Variants in DACH2 observed in about 807,000 individuals in gnomAD.
The protein encoded by DACH2 is dachshund family transcription factor 2.
In DACH2, 17 loss-of-function variants were observed where a neutral mutation model predicts 35.8. The observed-to-expected ratio is 0.48, with a 90% CI of 0.33 to 0.71. DACH2 has a LOEUF of 0.71. DACH2 is among the 30% of genes least tolerant of loss of function. The pLI is 0.02. For missense variants in DACH2, 469 were observed against 472.7 expected, an observed-to-expected ratio of 0.99 and a Z score of 0.07; for synonymous variants, 195 against 177.3, an observed-to-expected ratio of 1.10 and a Z score of -0.79.
intron 4 of DACH2, among the ~76,000 whole-genome samples, chrX:86,652,227 G>C (rs1046774916): frequency 2.7e-5 from 3 of 111,554 alleles, no homozygotes; most frequent in African/African-American, 9.8e-5. Flanking sequence ...GCATTAGTTT[G>C]CCATGGATAA....
chrX:86,419,846 AG>A (rs1157798373), intron 2 of DACH2, among the ~76,000 whole-genome samples: 1 of 111,600 alleles, frequency 9.0e-6, no homozygotes, highest in African/African-American at 3.3e-5. Context: ...TAGCTTCAGG[AG>A]GTAGCATGGT....
At chrX:86,155,675 G>A (rs191717311) in intron 1 of DACH2, among the ~76,000 whole-genome samples, 56 of 111,143 alleles carry the variant, frequency 5.0e-4, no homozygotes, top group African/African-American at 1.6e-3. Context: ...TTTTAAAAAG[G>A]AGGTTCAAAT....
chrX:86,676,552 A>G (rs1275326862), intron 4 of DACH2, among the ~76,000 whole-genome samples: 2 of 111,892 alleles, frequency 1.8e-5, no homozygotes, highest in African/African-American at 3.3e-5. Flanking sequence ...GCTGTCCATC[A>G]TAGTAGGGTT....
chrX:86,180,180 A>G (rs1287577905), intron 1 of DACH2, among the ~76,000 whole-genome samples: 2 of 72,852 alleles, frequency 2.7e-5, no homozygotes, highest in Admixed American at 1.5e-4. Context: ...TAAACCGTAT[A>G]TATATATATA....
intron 3 of DACH2, among the ~76,000 whole-genome samples, chrX:86,529,343 C>A (rs756730647): frequency 5.2e-4 from 58 of 110,495 alleles, no homozygotes; most frequent in Non-Finnish European, 7.9e-4. Context: ...CTGCACCTGG[C>A]CTTAGAACTT....
chrX:86,176,770 G>A (rs982841009), intron 1 of DACH2, among the ~76,000 whole-genome samples: 2 of 111,514 alleles, frequency 1.8e-5, no homozygotes, highest in Non-Finnish European at 3.8e-5. Flanking sequence ...AGAATATTGT[G>A]AAAATAACAT....
At chrX:86,740,627 T>A (rs1416360380) in intron 7 of DACH2, among the ~76,000 whole-genome samples, 1 of 106,742 alleles carries the variant, frequency 9.4e-6, no homozygotes, top group Non-Finnish European at 1.9e-5. Context: ...CCATAGATGC[T>A]ATTCCAGAAA....
intron 3 of DACH2, among the ~76,000 whole-genome samples, chrX:86,625,613 C>G (rs2040126866): frequency 9.0e-6 from 1 of 111,179 alleles, no homozygotes. Context: ...ATACCCAAGA[C>G]TGGCTAATTT....
chrX:86,226,452 A>G (rs2032825166), intron 1 of DACH2, among the ~76,000 whole-genome samples: 1 of 111,677 alleles, frequency 9.0e-6, no homozygotes, highest in Non-Finnish European at 1.9e-5. Flanking sequence ...TAAGAAAAAA[A>G]TAACATGAGT....
At chrX:86,372,028 T>G (rs775256507) in intron 1 of DACH2, among the ~76,000 whole-genome samples, 1 of 111,405 alleles carries the variant, frequency 9.0e-6, no homozygotes, top group African/African-American at 3.2e-5. Flanking sequence ...GTCCCCAAAA[T>G]ATGGCAGTAT....
chrX:86,226,140 G>T (rs2032818488), intron 1 of DACH2, among the ~76,000 whole-genome samples: 1 of 108,265 alleles, frequency 9.2e-6, no homozygotes, highest in African/African-American at 3.6e-5. Flanking sequence ...GTCAAAATTG[G>T]TATTTCTTTC....
At chrX:86,173,133 A>G (rs1171332904) in intron 1 of DACH2, among the ~76,000 whole-genome samples, 1 of 111,855 alleles carries the variant, frequency 8.9e-6, no homozygotes, top group Non-Finnish European at 1.9e-5. Flanking sequence ...GAAAACATAT[A>G]CACATATAAA....
chrX:86,579,477 A>C (rs2039476134), intron 3 of DACH2, among the ~76,000 whole-genome samples: 1 of 100,762 alleles, frequency 9.9e-6, no homozygotes, highest in Admixed American at 1.0e-4. Context: ...GTGAGTGGAC[A>C]AAAAAAAAAT....
At chrX:86,727,985 A>G (rs1318863572) in intron 6 of DACH2, among the ~76,000 whole-genome samples, 1 of 112,175 alleles carries the variant, frequency 8.9e-6, no homozygotes, top group East Asian at 2.8e-4. Flanking sequence ...CAGAGGTTGG[A>G]AGAATTTGGA....
intron 1 of DACH2, among the ~76,000 whole-genome samples, chrX:86,181,350 G>A (rs1354567808): frequency 4.5e-5 from 5 of 110,270 alleles, no homozygotes; most frequent in South Asian, 7.8e-4. Context: ...CCCAACCCCC[G>A]ACAGGCCCTG....
intron 3 of DACH2, among the ~76,000 whole-genome samples, chrX:86,566,323 A>G (rs1286927814): frequency 1.8e-5 from 2 of 111,466 alleles, no homozygotes; most frequent in African/African-American, 6.5e-5. Context: ...TTTATTCCCC[A>G]TTATTGCCTG....
intron 2 of DACH2, among the ~76,000 whole-genome samples, chrX:86,478,222 T>C (rs1035258527): frequency 6.2e-5 from 7 of 112,008 alleles, no homozygotes; most frequent in African/African-American, 9.7e-5. Flanking sequence ...AGATGGTTTC[T>C]TGTTGCTCAT....
intron 3 of DACH2, among the ~76,000 whole-genome samples, chrX:86,646,253 G>T (rs4276824): frequency 9.1e-6 from 1 of 109,304 alleles, no homozygotes; most frequent in Non-Finnish European, 1.9e-5. Flanking sequence ...GTATACATGC[G>T]CATAGAGTGT....
intron 1 of DACH2, among the ~76,000 whole-genome samples, chrX:86,156,666 A>C (rs954583576): frequency 9.9e-5 from 11 of 111,199 alleles, no homozygotes; most frequent in Admixed American, 3.8e-4. Context: ...AAAGGCAATA[A>C]TTAATGAATA....
Sources: gnomAD v4.1 joint callset for allele counts (sites outside exome capture counted in the v4.1 genomes callset) on GRCh38, gnomAD v4.1.1 for gene constraint, MANE v1.5 for transcripts, NCBI Gene and HGNC (gene_info 2026-07-23, HGNC 2026-07-21) for gene names.